Variants in MYO16 observed in about 807,000 individuals in gnomAD.
MYO16 encodes the protein unconventional myosin-XVI.
A neutral mutation model predicts 205.3 loss-of-function variants in MYO16; 94 were observed. The ratio of observed to expected loss-of-function variants is 0.46; its 90% confidence interval spans 0.39 to 0.54. The LOEUF is 0.54. MYO16 is among the 20% of genes least tolerant of loss of function. The pLI is 0.00. For missense variants in MYO16, 2,315 were observed against 2,387.5 expected (o/e 0.97, Z 0.63); for synonymous variants, 988 against 954.0 (o/e 1.04, Z -0.66).
intron 21 of MYO16, among the ~76,000 whole-genome samples, chr13:108,999,966 C>G (rs1885159186): frequency 6.6e-6 from 1 of 151,906 alleles, no homozygotes; most frequent in Non-Finnish European, 1.5e-5. Flanking sequence ...TTGTTTTTTC[C>G]ATAGTGGAAT....
chr13:109,184,053 GC>G (rs1313187425), intron 34 of MYO16, among the ~76,000 whole-genome samples: 1 of 151,984 alleles, frequency 6.6e-6, no homozygotes. Context: ...ATATATTATA[GC>G]ATGGAATTAA....
At chr13:108,957,450 A>G (rs1185932048) in intron 16 of MYO16, among the ~76,000 whole-genome samples, 1 of 151,650 alleles carries the variant, frequency 6.6e-6, no homozygotes, top group African/African-American at 2.4e-5. Context: ...GGAAAGGTGC[A>G]GCTAAGATGA....
intron 4 of MYO16, among the ~76,000 whole-genome samples, chr13:108,776,406 T>G (rs1042796175): frequency 3.3e-5 from 5 of 152,168 alleles, no homozygotes; most frequent in Admixed American, 2.0e-4. Context: ...CCACAAGCTC[T>G]AGACCTTTTG....
At chr13:109,014,402 T>C (rs561681380) in intron 22 of MYO16, among the ~76,000 whole-genome samples, 1 of 152,358 alleles carries the variant, frequency 6.6e-6, no homozygotes, top group African/African-American at 2.4e-5. Context: ...GGTAGCATGA[T>C]GCCTCCAGCT....
intron 27 of MYO16, among the ~76,000 whole-genome samples, chr13:109,057,433 A>G (rs886841625): frequency 6.6e-6 from 1 of 152,162 alleles, no homozygotes; most frequent in African/African-American, 2.4e-5. Context: ...GTTGTCTCTT[A>G]ATTTATAAGG....
intron 4 of MYO16, among the ~76,000 whole-genome samples, chr13:108,754,039 T>C (rs1218360068): frequency 6.6e-6 from 1 of 152,194 alleles, no homozygotes; most frequent in African/African-American, 2.4e-5. Context: ...TGCGTTCTAG[T>C]AGAAATGTTG....
At chr13:108,965,401 C>CT (rs1184144164) in intron 20 of MYO16, among the ~76,000 whole-genome samples, 4 of 152,074 alleles carry the variant, frequency 2.6e-5, no homozygotes, top group Admixed American at 6.6e-5. Context: ...TATCCCTAAT[C>CT]TTTTTTTTAT....
chr13:108,567,041 G>C, the MYO16 span, among the ~76,000 whole-genome samples: 1 of 152,296 alleles, frequency 6.6e-6, no homozygotes, highest in Non-Finnish European at 1.5e-5. Context: ...TAATCTTGTA[G>C]GAGGTGAAGA....
chr13:109,127,525 C>G lies in MYO16; in HGVS notation c.4026C>G (p.Ser1342=), dbSNP rs147869634. ...ATGAGGCTGTGAGCGCCTGCCTCTC[C>G]GCGGCCAGGGAAGCGGCCAACGAAG... The part of the protein sequence containing the change: ...ASYEAVSACL[S]AAREAANEAL... Residue 1342 remains serine (S), a synonymous_variant, in exon 31 of 35, where the codon TCC becomes TCG. Transcript: ENST00000457511. This position sits in a 1 kb window ranked among gnomAD's most constrained non-coding sequence, Gnocchi z 4.2. 2.6e-5 allele frequency: 42 copies of G among 1,611,948 alleles called. No homozygotes were observed. The highest frequency in any genetic ancestry group is 1.6e-4 in the Middle Eastern group (1 of 6,082).
chr13:108,509,128 G>A, the MYO16 span, among the ~76,000 whole-genome samples: 1 of 152,196 alleles, frequency 6.6e-6, no homozygotes, highest in Non-Finnish European at 1.5e-5. Context: ...GTAAAAGATA[G>A]TTAAAAGAAC....
chr13:109,133,393 A>C (rs567751897), intron 31 of MYO16, among the ~76,000 whole-genome samples: 9 of 152,384 alleles, frequency 5.9e-5, no homozygotes, highest in African/African-American at 2.2e-4. Context: ...TAGATTAACT[A>C]TGCAGGTATT....
At chr13:108,652,795 A>G (rs1881069775) in intron 1 of MYO16, among the ~76,000 whole-genome samples, 1 of 152,202 alleles carries the variant, frequency 6.6e-6, no homozygotes, top group Non-Finnish European at 1.5e-5. Flanking sequence ...TTATCCATTC[A>G]TCTATGGACA....
chr13:108,841,977 G>T (rs1877264829), intron 9 of MYO16, among the ~76,000 whole-genome samples: 1 of 152,086 alleles, frequency 6.6e-6, no homozygotes, highest in African/African-American at 2.4e-5. Context: ...ATAGGGAAAA[G>T]AAAGTTACTT....
At chr13:108,632,122 C>G (rs1191882017) in intron 1 of MYO16, among the ~76,000 whole-genome samples, 4 of 150,192 alleles carry the variant, frequency 2.7e-5, no homozygotes, top group Non-Finnish European at 5.9e-5. Flanking sequence ...TCATGGTATC[C>G]TAAGGGTTTA....
the MYO16 span, among the ~76,000 whole-genome samples, chr13:108,557,653 T>A: frequency 6.6e-6 from 1 of 152,192 alleles, no homozygotes; most frequent in Non-Finnish European, 1.5e-5. Flanking sequence ...GGCATTTATT[T>A]CGTTCCTCAA....
intron 34 of MYO16, among the ~76,000 whole-genome samples, chr13:109,194,083 T>G (rs1566557900): frequency 6.6e-6 from 1 of 152,134 alleles, no homozygotes; most frequent in Non-Finnish European, 1.5e-5. Context: ...CCTCGTGAAA[T>G]TTTTGTACTT....
chr13:108,971,057 A>C (rs1883989160), intron 20 of MYO16, among the ~76,000 whole-genome samples: 1 of 152,232 alleles, frequency 6.6e-6, no homozygotes, highest in Admixed American at 6.5e-5. Flanking sequence ...ATAATGAAAA[A>C]TAACTGTTTT....
intron 9 of MYO16, among the ~76,000 whole-genome samples, chr13:108,827,899 A>G (rs562063106): frequency 3.3e-5 from 5 of 152,288 alleles, no homozygotes; most frequent in Admixed American, 2.6e-4. Context: ...GCCAACTTGC[A>G]TCTCTAATAT....
chr13:108,712,815 A>T (rs1883776804), intron 3 of MYO16, 84 bp downstream of exon 3: 1 of 996,746 alleles, frequency 1.0e-6, no homozygotes, highest in South Asian at 1.7e-5. Flanking sequence ...AACGAAATGT[A>T]CATCTCACAG....
Sources: allele counts gnomAD v4.1 joint callset (sites outside exome capture counted in the v4.1 genomes callset), GRCh38; gene constraint gnomAD v4.1.1; non-coding constraint Gnocchi (gnomAD v3.1); transcripts MANE v1.5; gene names NCBI Gene and HGNC (gene_info 2026-07-23, HGNC 2026-07-21).